ZNF536: variants seen among roughly 807,000 people sequenced by gnomAD.
The protein encoded by ZNF536 is zinc finger protein 536.
Under a neutral mutation model 84.5 loss-of-function variants are expected in ZNF536, and 13 were observed. The ratio of observed to expected loss-of-function variants is 0.15; its 90% confidence interval spans 0.10 to 0.24. The LOEUF (loss-of-function observed/expected upper bound fraction) is 0.24. ZNF536 is among the 10% of genes least tolerant of loss of function. ZNF536 has a pLI of 1.00. For missense variants in ZNF536, 1,536 were observed against 1,747.5 expected (o/e 0.88, Z 2.16); for synonymous variants, 811 against 742.5 (o/e 1.09, Z -1.50).
intron 1 of ZNF536, 59 bp from the exon 2 acceptor site, chr19:30,443,502 T>C (rs2148141343): frequency 6.7e-7 from 1 of 1,498,324 alleles, no homozygotes; most frequent in Non-Finnish European, 8.9e-7. Flanking sequence ...GCCAATGCTG[T>C]TGATTCATGG....
intron 2 of ZNF536, among the ~76,000 whole-genome samples, chr19:30,321,889 G>A (rs1161762873): frequency 2.0e-5 from 3 of 150,360 alleles, no homozygotes; most frequent in East Asian, 2.0e-4. Context: ...TCAATTCTCC[G>A]CCTCAGCTTC....
intron 2 of ZNF536, among the ~76,000 whole-genome samples, chr19:30,318,160 C>T (rs924976326): frequency 1.1e-4 from 16 of 152,178 alleles, no homozygotes; most frequent in African/African-American, 2.2e-4. Flanking sequence ...CAGTTTCCCC[C>T]AGGACCCCTT....
chr19:30,681,854 C>T (rs1378592791), intron 1 of ZNF536, among the ~76,000 whole-genome samples: 1 of 152,164 alleles, frequency 6.6e-6, no homozygotes, highest in African/African-American at 2.4e-5. Flanking sequence ...AGAGAACAGC[C>T]CCTCTGGAAT....
At chr19:30,257,453 T>C (rs1395482652) in intron 1 of ZNF536, among the ~76,000 whole-genome samples, 1 of 152,234 alleles carries the variant, frequency 6.6e-6, no homozygotes, top group Non-Finnish European at 1.5e-5. Context: ...TGCTGTGCCT[T>C]TTGCAAACTC....
chr19:30,549,375 G>C lies in ZNF536; in HGVS notation c.3756G>C (p.Glu1252Asp), dbSNP rs551297558. Reference sequence around the variant, plus strand: ...CCTTGGCGGGCCTGCCAAAGCCGGAGCGGGGGCCCCAGAGCCTGGACAAGC... The same window carrying C: ...CCTTGGCGGGCCTGCCAAAGCCGGACCGGGGGCCCCAGAGCCTGGACAAGC... ...QDPLAGLPKP[E>D]RGPQSLDKPM... The change falls in exon 4 of 5, where the codon GAG becomes GAC. Residue 1252 changes from glutamate (E) to aspartate (D), a missense_variant. By Grantham distance (45) the Glu-to-Asp change is conservative. Coordinates refer to ENST00000355537, the MANE Select transcript of ZNF536 (RefSeq NM_014717.3). 3 of 1,598,932 alleles carry C rather than the reference G, an allele frequency of 1.9e-6. No homozygotes were observed. The South Asian group carries it at 3.4e-5, about 18-fold the overall frequency.
chr19:30,326,560 CA>C (rs2047030240), intron 2 of ZNF536, among the ~76,000 whole-genome samples: 1 of 151,988 alleles, frequency 6.6e-6, no homozygotes, highest in Non-Finnish European at 1.5e-5. Context: ...AGGAGAGGGC[CA>C]GGGGATGGTG....
At chr19:30,572,291 A>G (rs1019246052) in intron 1 of ZNF536, among the ~76,000 whole-genome samples, 2 of 152,138 alleles carry the variant, frequency 1.3e-5, no homozygotes, top group African/African-American at 4.8e-5. Flanking sequence ...TCGCACATTC[A>G]TGGGAGAGGG....
At chr19:30,409,349 A>G (rs947633399) in intron 1 of ZNF536, among the ~76,000 whole-genome samples, 2 of 152,206 alleles carry the variant, frequency 1.3e-5, no homozygotes, top group African/African-American at 4.8e-5. Flanking sequence ...GTTCTGCTAA[A>G]GGACATCTCA....
intron 1 of ZNF536, among the ~76,000 whole-genome samples, chr19:30,232,153 T>C (rs1317541294): frequency 6.6e-6 from 1 of 151,994 alleles, no homozygotes; most frequent in Non-Finnish European, 1.5e-5. Context: ...GGGGTGGGCG[T>C]GGGGGCCTCC....
chr19:30,566,205 A>C (rs752776063), intron 1 of ZNF536, among the ~76,000 whole-genome samples: 4 of 152,096 alleles, frequency 2.6e-5, no homozygotes, highest in Non-Finnish European at 5.9e-5. Flanking sequence ...GTCACCCAGA[A>C]ATCAGTTACC....
chr19:30,526,647 C>A (rs2044593036), intron 2 of ZNF536, among the ~76,000 whole-genome samples: 1 of 125,206 alleles, frequency 8.0e-6, no homozygotes, highest in Non-Finnish European at 2.0e-5. Context: ...TGGCGTGAAC[C>A]CGGGAGGCGG....
At chr19:30,694,684 T>TTA (rs1303267307) in intron 1 of ZNF536, among the ~76,000 whole-genome samples, 1 of 152,018 alleles carries the variant, frequency 6.6e-6, no homozygotes, top group East Asian at 1.9e-4. Context: ...CATTTTTTTT[T>TTA]AAAGAAATAG....
chr19:30,515,486 A>C (rs2055598166), intron 2 of ZNF536, among the ~76,000 whole-genome samples: 1 of 152,170 alleles, frequency 6.6e-6, no homozygotes, highest in Non-Finnish European at 1.5e-5. Flanking sequence ...CTTCAGGATA[A>C]AAACCTGAAT....
intron 2 of ZNF536, among the ~76,000 whole-genome samples, chr19:30,461,445 C>T (rs1407053438): frequency 1.3e-5 from 2 of 152,158 alleles, no homozygotes. Context: ...GACATCCCTT[C>T]AGAGAAAGGA....
In ZNF536 at chr19:30,619,190, C is replaced by T. The variant is rs577900647; in HGVS notation, c.169+69676C>T. Among the ~76,000 whole-genome samples, 3 of 151,896 alleles carry T rather than the reference C, an allele frequency of 2.0e-5. No individual in the cohort carries two copies. The South Asian group carries it at 6.2e-4, about 32-fold the overall frequency. On this transcript the variant is annotated intron_variant, in intron 1 of 1. Transcript: ENST00000592773. ...TATGTGCATGTTGAATTCTGTTTGT[C>T]TTGCTTATCTTTTTTTTTCTGTCAT...
In ZNF536 at chr19:30,589,022, G is replaced by A. The variant is rs374362847; in HGVS notation, c.169+39508G>A. On this transcript the variant is annotated intron_variant, in intron 1 of 1. Coordinates refer to the ZNF536 transcript ENST00000592773. ...TTCAGACTTGGTGAAAGGGAGCTGG[G>A]GTGTTTCTGAATGTGCTGGAGAATC... is the stretch of plus-strand genomic sequence containing the variant. Among the ~76,000 whole-genome samples the A allele has an allele frequency of 3.2e-4, 48 of 152,280 alleles. 1 individual carries two copies. In the South Asian group the frequency reaches 9.3e-3, roughly 30 times the overall value.
chr19:30,428,067 T>A (rs2051291702), intron 1 of ZNF536, among the ~76,000 whole-genome samples: 1 of 152,230 alleles, frequency 6.6e-6, no homozygotes. Context: ...GGTGTTTGAC[T>A]TTTCCTTGTT....
intron 2 of ZNF536, among the ~76,000 whole-genome samples, chr19:30,521,880 A>C (rs1327256320): frequency 3.3e-5 from 5 of 152,256 alleles, no homozygotes; most frequent in Admixed American, 2.6e-4. Flanking sequence ...AAGAAAACAA[A>C]GTTGCCTCTC....
At chr19:30,594,277 C>T (rs2047372220) in intron 1 of ZNF536, among the ~76,000 whole-genome samples, 1 of 152,236 alleles carries the variant, frequency 6.6e-6, no homozygotes, top group South Asian at 2.1e-4. Context: ...CAGCCAGGTT[C>T]TCCTTGTGCA....
Sources: gnomAD v4.1 joint callset for allele counts (sites outside exome capture counted in the v4.1 genomes callset) on GRCh38, gnomAD v4.1.1 for gene constraint, MANE v1.5 for transcripts, NCBI Gene and HGNC (gene_info 2026-07-23, HGNC 2026-07-21) for gene names.